QRICH1: variants seen among roughly 807,000 people sequenced by gnomAD.
The protein encoded by QRICH1 is transcriptional regulator QRICH1.
Under a neutral mutation model 87.1 loss-of-function variants are expected in QRICH1, and 16 were observed. The observed-to-expected ratio is 0.18, with a 90% CI of 0.12 to 0.28. The LOEUF (loss-of-function observed/expected upper bound fraction) is 0.28, where lower values mean the gene tolerates loss of function less well. Ranked by LOEUF, QRICH1 falls within the 10% of genes least tolerant of loss-of-function variation. The probability of loss-of-function intolerance (pLI) is 1.00; values close to 1 mark genes in which losing one functional copy is unlikely to be tolerated. For synonymous variants in QRICH1, 367 were observed against 368.4 expected, an observed-to-expected ratio of 1.00 and a Z score of 0.05; for missense variants, 647 against 951.7, an observed-to-expected ratio of 0.68 and a Z score of 4.21.
At chr3:49,058,910 G>A (rs1386530805) in intron 2 of QRICH1, among the ~76,000 whole-genome samples, 1 of 151,532 alleles carries the variant, frequency 6.6e-6, no homozygotes, top group East Asian at 1.9e-4. Flanking sequence ...TTACAGGCGT[G>A]AGCCACCACG....
intron 3 of QRICH1, among the ~76,000 whole-genome samples, chr3:49,054,460 G>A (rs1409633998): frequency 2.6e-5 from 4 of 152,122 alleles, no homozygotes; most frequent in African/African-American, 9.6e-5. Context: ...TCTACTTTGG[G>A]AAGGCAACAA....
chr3:49,091,573 G>A, intron 1 of QRICH1, among the ~76,000 whole-genome samples: 1 of 152,158 alleles, frequency 6.6e-6, no homozygotes, highest in East Asian at 1.9e-4. Context: ...GGCAACATAA[G>A]CTGGAGAGAG....
intron 1 of QRICH1, among the ~76,000 whole-genome samples, chr3:49,092,883 G>A (rs983740678): frequency 3.3e-5 from 5 of 152,168 alleles, no homozygotes; most frequent in Non-Finnish European, 7.3e-5. Context: ...TTTTGTTTAA[G>A]GCCAACTTTT....
intron 1 of QRICH1, chr3:49,093,554 G>A (rs2042320652): frequency 6.6e-6 from 1 of 152,050 alleles, no homozygotes; most frequent in African/African-American, 2.4e-5. Context: ...GCTCCAGAAA[G>A]CCGCGGTTGC....
chr3:49,077,794 G>A (rs902169126), intron 1 of QRICH1, among the ~76,000 whole-genome samples: 4 of 152,214 alleles, frequency 2.6e-5, no homozygotes, highest in East Asian at 1.9e-4. Context: ...AAATCATCTA[G>A]CACATAGATA....
chr3:49,082,700 C>T (rs187883227), intron 1 of QRICH1, among the ~76,000 whole-genome samples: 44 of 151,520 alleles, frequency 2.9e-4, no homozygotes, highest in Non-Finnish European at 3.4e-4. Flanking sequence ...TCGAGACCAC[C>T]CTGGCTAACA....
intron 3 of QRICH1, among the ~76,000 whole-genome samples, chr3:49,051,584 G>GCCCCC (rs11420410): frequency 5.3e-5 from 3 of 57,006 alleles, no homozygotes; most frequent in Non-Finnish European, 7.1e-5. Context: ...CCCCCCCTGC[G>GCCCCC]CCCCCCCCCC....
At chr3:49,045,375 T>C (rs1286514864) in intron 5 of QRICH1, among the ~76,000 whole-genome samples, 1 of 134,748 alleles carries the variant, frequency 7.4e-6, no homozygotes, top group Non-Finnish European at 1.6e-5. Context: ...AATAATGTAA[T>C]AGAAGTTTAG....
At chr3:49,037,688 C>T (rs1190126369) in intron 6 of QRICH1, among the ~76,000 whole-genome samples, 14 of 150,878 alleles carry the variant, frequency 9.3e-5, no homozygotes, top group Admixed American at 9.2e-4. Flanking sequence ...GCCGAGATTG[C>T]ACCACTGAAC....
intron 6 of QRICH1, among the ~76,000 whole-genome samples, chr3:49,042,687 C>T (rs916381034): frequency 1.3e-5 from 2 of 152,048 alleles, no homozygotes; most frequent in Admixed American, 6.6e-5. Flanking sequence ...ATTCTCCTAC[C>T]TCAGCCTCCC....
At chr3:49,078,341 C>G (rs2041991265) in intron 1 of QRICH1, among the ~76,000 whole-genome samples, 1 of 150,196 alleles carries the variant, frequency 6.7e-6, no homozygotes, top group African/African-American at 2.4e-5. Context: ...TCATATATAC[C>G]TGCTGCATTT....
chr3:49,058,819 G>A (rs1301082568), intron 2 of QRICH1, among the ~76,000 whole-genome samples: 2 of 151,906 alleles, frequency 1.3e-5, no homozygotes, highest in Admixed American at 1.3e-4. Flanking sequence ...GTAGAGACAG[G>A]ATTTCTCCAT....
intron 3 of QRICH1, among the ~76,000 whole-genome samples, chr3:49,049,957 C>G (rs1347862098): frequency 6.6e-6 from 1 of 151,588 alleles, no homozygotes; most frequent in Admixed American, 6.6e-5. Flanking sequence ...TCCCAGCACT[C>G]TGGAGGCCGA....
chr3:49,088,119 T>C (rs909271165), intron 1 of QRICH1, among the ~76,000 whole-genome samples: 1 of 151,714 alleles, frequency 6.6e-6, no homozygotes, highest in African/African-American at 2.4e-5. Context: ...ATCCAGCTAA[T>C]TTTTTTGTAT....
At chr3:49,046,373 C>A in intron 5 of QRICH1, 52 bp downstream of exon 5, 1 of 1,534,114 alleles carries the variant, frequency 6.5e-7, no homozygotes, top group Non-Finnish European at 8.8e-7. Flanking sequence ...AACTAGCAAA[C>A]ATCCAATAGG....
chr3:49,090,234 C>T (rs529617802), intron 1 of QRICH1, among the ~76,000 whole-genome samples: 1 of 152,192 alleles, frequency 6.6e-6, no homozygotes, highest in South Asian at 2.1e-4. Flanking sequence ...CCGAGGCGGG[C>T]GGATCACGAG....
intron 1 of QRICH1, among the ~76,000 whole-genome samples, chr3:49,086,074 G>A (rs1319032536): frequency 6.6e-6 from 1 of 151,590 alleles, no homozygotes; most frequent in Non-Finnish European, 1.5e-5. Context: ...TGCTCTTGGG[G>A]TGTATGAGGT....
chr3:49,069,880 T>C (rs1157090570), intron 2 of QRICH1, among the ~76,000 whole-genome samples: 1 of 152,130 alleles, frequency 6.6e-6, no homozygotes, highest in African/African-American at 2.4e-5. Flanking sequence ...CATATGTGTA[T>C]GTGTGTGTTT....
intron 2 of QRICH1, 175 bp from the exon 3 acceptor site, chr3:49,058,065 GC>G: frequency 8.9e-7 from 1 of 1,129,660 alleles, no homozygotes; most frequent in Non-Finnish European, 1.2e-6. Context: ...GGATTGTCCA[GC>G]AGCACATTAC....
Sources: allele counts gnomAD v4.1 joint callset (sites outside exome capture counted in the v4.1 genomes callset), GRCh38; gene constraint gnomAD v4.1.1; transcripts MANE v1.5; gene names NCBI Gene and HGNC (gene_info 2026-07-23, HGNC 2026-07-21).